PCNT: variants seen among roughly 807,000 people sequenced by gnomAD.
PCNT encodes the protein kendrin.
In PCNT, 319 loss-of-function variants were observed where a neutral mutation model predicts 380.4. The observed-to-expected ratio is 0.84, with a 90% CI of 0.77 to 0.92. PCNT has a LOEUF of 0.92. PCNT is among the 40% of genes least tolerant of loss of function. PCNT has a pLI of 0.00. For synonymous variants in PCNT, 1,845 were observed against 1,735.2 expected, an observed-to-expected ratio of 1.06 and a Z score of -1.57; for missense variants, 4,400 against 4,255.3, an observed-to-expected ratio of 1.03 and a Z score of -0.95.
intron 45 of PCNT, 83 bp downstream of exon 45, chr21:46,444,031 G>C: frequency 2.1e-6 from 3 of 1,461,240 alleles, no homozygotes; most frequent in Non-Finnish European, 2.8e-6. Context: ...TGCATTTTTA[G>C]TTCTGGCTTT....
intron 17 of PCNT, among the ~76,000 whole-genome samples, chr21:46,387,004 C>T (rs370334309): frequency 1.2e-4 from 18 of 152,292 alleles, no homozygotes; most frequent in East Asian, 9.7e-4. Context: ...TGTCTGTCCC[C>T]GCCCCAGGCC....
At chr21:46,341,516 T>C (rs941786016) in intron 3 of PCNT, among the ~76,000 whole-genome samples, 1 of 152,048 alleles carries the variant, frequency 6.6e-6, no homozygotes, top group Non-Finnish European at 1.5e-5. Context: ...TTCTCACGTC[T>C]AGTAAGGCAG....
chr21:46,346,589 TC>T, intron 4 of PCNT, 153 bp from the exon 5 acceptor site: 1 of 920,168 alleles, frequency 1.1e-6, no homozygotes, highest in Non-Finnish European at 1.7e-6. Flanking sequence ...CTCAGTGGCA[TC>T]CGGGCCTCTG....
At chr21:46,398,286 C>G in intron 24 of PCNT, 31 bp downstream of exon 24, 2 of 1,586,938 alleles carry the variant, frequency 1.3e-6, no homozygotes, top group Non-Finnish European at 1.7e-6. Context: ...TGGGCACTCC[C>G]TGCGCTGGCG....
At chr21:46,386,062 G>A (rs576825927) in intron 17 of PCNT, 79 bp downstream of exon 17, 21 of 1,569,480 alleles carry the variant, frequency 1.3e-5, no homozygotes, top group South Asian at 1.1e-4. Flanking sequence ...TGGTCCCCAC[G>A]GCTCCTGGCC....
intron 6 of PCNT, chr21:46,348,094 G>GA: frequency 5.4e-6 from 1 of 184,068 alleles, no homozygotes; most frequent in Non-Finnish European, 1.1e-5. Context: ...GCTTGGGGTT[G>GA]TGTTCCGGTC....
intron 27 of PCNT, among the ~76,000 whole-genome samples, chr21:46,404,726 G>C (rs951514994): frequency 6.6e-6 from 1 of 152,142 alleles, no homozygotes; most frequent in Non-Finnish European, 1.5e-5. Flanking sequence ...GAGGAGGGTG[G>C]GTTACTTGAG....
In PCNT at chr21:46,382,394, G is replaced by A. The variant is rs1448417978; in HGVS notation, c.3312+554G>A. Among the ~76,000 whole-genome samples the A allele has an allele frequency of 1.4e-4, 21 of 146,702 alleles. 3 individuals are homozygous for A. The Middle Eastern group carries it at 0.011, about 77-fold the overall frequency. ...ATTCAGTGACGGAAGCGCATTCACA[G>A]TGCTGTGCATTCAGCAGCAGAAGCG... is the stretch of plus-strand genomic sequence containing the variant. On this transcript the variant is annotated intron_variant, in intron 16 of 46. Coordinates refer to ENST00000359568, the MANE Select transcript of PCNT (RefSeq NM_006031.6).
intron 38 of PCNT, among the ~76,000 whole-genome samples, chr21:46,434,346 G>A (rs569029827): frequency 6.6e-6 from 1 of 152,372 alleles, no homozygotes; most frequent in East Asian, 1.9e-4. Context: ...CGCAGTGGCA[G>A]GGGCGCTGGT....
chr21:46,332,135 G>A (rs1252303826), intron 2 of PCNT, among the ~76,000 whole-genome samples: 1 of 152,230 alleles, frequency 6.6e-6, no homozygotes, highest in African/African-American at 2.4e-5. Context: ...ACTCCAGCCT[G>A]GAGGACAAGA....
chr21:46,424,719 C>CCT (rs1555995688), intron 32 of PCNT, among the ~76,000 whole-genome samples: 1 of 144,466 alleles, frequency 6.9e-6, no homozygotes, highest in African/African-American at 2.6e-5. Flanking sequence ...ACTGCGCCCC[C>CCT]CCCAACCCTG....
chr21:46,416,441 C>T lies in PCNT; in HGVS notation c.6523C>T (p.Pro2175Ser), dbSNP rs2087029277. ...NWDSLIPDEMPDSPIQEKSEC... is the reference protein window; with the variant it reads ...NWDSLIPDEMSDSPIQEKSEC... ...GGATTCCTTGATACCAGATGAAATG[C>T]CAGATTCTCCCATTCAAGAAAAATC... The change falls in exon 30 of 47, where the codon CCA (proline) becomes TCA (serine). Residue 2175 changes from proline (P) to serine (S), a missense_variant. Pro to Ser is a moderately conservative substitution (Grantham distance 74). Coordinates refer to ENST00000359568, the MANE Select transcript of PCNT (RefSeq NM_006031.6). 6.2e-7 allele frequency: 1 copy of T among 1,614,058 alleles called. No homozygotes were observed. The highest frequency in any genetic ancestry group is 1.7e-5 in the Admixed American group (1 of 60,004).
At position 46,381,855 on chromosome 21, in the gene PCNT, C is replaced by CTGTT. The variant is rs1182095206; in HGVS notation, c.3312+16_3312+19dup. On this transcript the variant is annotated intron_variant, in intron 16 of 46. Coordinates refer to ENST00000359568, the MANE Select transcript of PCNT (RefSeq NM_006031.6). Reference sequence around the variant, plus strand: ...AAGTCCAGCAGGTGTGTGGAATACGCTGTTCCCTTGTGATAAGACGTGTAT... The same window carrying CTGTT: ...AAGTCCAGCAGGTGTGTGGAATACGCTGTTTGTTCCCTTGTGATAAGACGTGTAT... 12 of 1,613,592 alleles carry CTGTT rather than the reference C, an allele frequency of 7.4e-6. 1 individual carries two copies. The highest frequency in any genetic ancestry group is 8.5e-6 in the Non-Finnish European group (10 of 1,179,478).
rs1569267786 is a variant in PCNT, at chr21:46,411,181, C to T, written c.5116-8C>T. On this transcript the variant is annotated splice_polypyrimidine_tract_variant and splice_region_variant and intron_variant, in intron 27 of 46. Coordinates refer to ENST00000359568, the MANE Select transcript of PCNT (RefSeq NM_006031.6). Reference sequence around the variant, plus strand: ...TTAATTTGCCTCTGAAATGTCCTCTCTCTTCAGGTCATATATACCAGAAGT... The same window carrying T: ...TTAATTTGCCTCTGAAATGTCCTCTTTCTTCAGGTCATATATACCAGAAGT... The T allele has an allele frequency of 5.6e-6, 9 of 1,613,274 alleles. No homozygotes were observed. The highest frequency in any genetic ancestry group is 7.6e-6 in the Non-Finnish European group (9 of 1,179,406).
chr21:46,379,880 G>C (rs1439706874), intron 15 of PCNT, among the ~76,000 whole-genome samples: 1 of 152,178 alleles, frequency 6.6e-6, no homozygotes, highest in Non-Finnish European at 1.5e-5. Context: ...CTTCACCCCT[G>C]CTGTGCCAAG....
chr21:46,402,963 T>G (rs2086478773), intron 27 of PCNT, among the ~76,000 whole-genome samples: 1 of 152,272 alleles, frequency 6.6e-6, no homozygotes, highest in African/African-American at 2.4e-5. Flanking sequence ...TTTAAATCTT[T>G]TATTTTAATG....
chr21:46,428,652 C>T lies in PCNT; in HGVS notation c.7690+62C>T, dbSNP rs546481394. ...TCTGCACCTGCCCGCCCGACACTCA[C>T]CTGTGTGGCCTTGGGAGCAGAGGGT... On this transcript the variant is annotated intron_variant, in intron 35 of 46. Transcript: ENST00000359568. The T allele has an allele frequency of 1.6e-5, 22 of 1,394,514 alleles. 1 individual carries two copies. The East Asian group carries it at 5.1e-4, about 33-fold the overall frequency. The allele number at this position is 1,394,514 out of a possible 1,614,324, so 86.4% of individuals were successfully genotyped here.
rs1463576421 is a variant in PCNT at position 46,349,100 on chromosome 21, A to G, written c.1121A>G (p.Glu374Gly). ...TCTGCAAAGCATCAATCAGAAATGG[A>G]GGATTTACAAAACCAGTTTCAGAAA... is the stretch of plus-strand genomic sequence containing the variant. Reference protein sequence around the residue: ...ELSAKHQSEMEDLQNQFQKEL... With the variant: ...ELSAKHQSEMGDLQNQFQKEL... The change falls in exon 7 of 47, where the codon GAG (glutamate) becomes GGG (glycine). Residue 374 changes from glutamate (E) to glycine (G), a missense_variant. Transcript: ENST00000359568. 1.6e-5 allele frequency: 25 copies of G among 1,610,566 alleles called. No individual in the cohort carries two copies. The highest frequency in any genetic ancestry group is 2.0e-5 in the Non-Finnish European group (24 of 1,176,830).
Position 46,431,613 on chromosome 21 carries a change from A to C in PCNT, c.8149A>C (p.Asn2717His). The C allele has an allele frequency of 6.2e-7, 1 of 1,614,058 alleles. No individual in the cohort carries two copies. Among genetic ancestry groups the C allele is most frequent in the Non-Finnish European group, 8.5e-7 (1 of 1,179,946 alleles). ...ALKHEQTAKD[N>H]LQKELRIEHS... ...GAAACACGAGCAGACGGCCAAGGAC[A>C]ACCTGCAGAAGGAGCTGCGTATCGA... Residue 2717 changes from asparagine (N) to histidine (H), a missense_variant, in exon 38 of 47, where the codon AAC (asparagine) becomes CAC (histidine). By Grantham distance (68) the Asn-to-His change is moderately conservative (BLOSUM62 1). Coordinates refer to ENST00000359568, the MANE Select transcript of PCNT (RefSeq NM_006031.6).
Sources: gnomAD v4.1 joint callset for allele counts (sites outside exome capture counted in the v4.1 genomes callset) on GRCh38, gnomAD v4.1.1 for gene constraint, MANE v1.5 for transcripts, NCBI Gene and HGNC (gene_info 2026-07-23, HGNC 2026-07-21) for gene names.